The following CPNE4 variants were observed in gnomAD, a reference collection of about 807,000 sequenced individuals.
The protein encoded by CPNE4 is copine 4.
In CPNE4, 25 loss-of-function variants were observed where a neutral mutation model predicts 67.9. The ratio of observed to expected loss-of-function variants is 0.37; its 90% CI spans 0.27 to 0.51. The LOEUF (loss-of-function observed/expected upper bound fraction) is 0.51. Ranked by LOEUF, CPNE4 falls within the 20% of genes least tolerant of loss-of-function variation. CPNE4 has a pLI of 0.93. For synonymous variants in CPNE4, 242 were observed against 244.9 expected (o/e 0.99, Z 0.11); for missense variants, 464 against 690.8 (o/e 0.67, Z 3.68).
chr3:132,009,392 T>C (rs1369651101), intron 1 of CPNE4, among the ~76,000 whole-genome samples: 1 of 152,146 alleles, frequency 6.6e-6, no homozygotes, highest in African/African-American at 2.4e-5. Flanking sequence ...ACACCCAGCA[T>C]GGTTTTCAGA....
chr3:131,821,811 C>A (rs941455810), intron 2 of CPNE4, among the ~76,000 whole-genome samples: 9 of 152,136 alleles, frequency 5.9e-5, no homozygotes, highest in Non-Finnish European at 1.3e-4. Flanking sequence ...TGTCCAAATC[C>A]CTTCCTGCTT....
chr3:131,792,708 C>CGTGTATATATATACATATATACACGT (rs2083792714), intron 2 of CPNE4, among the ~76,000 whole-genome samples: 17 of 67,216 alleles, frequency 2.5e-4, no homozygotes, highest in Non-Finnish European at 4.7e-4. Flanking sequence ...TATACACACA[C>CGTGTATATATATACATATATACACGT]GTGTATATAT....
chr3:131,557,073 T>C (rs1936499051), intron 11 of CPNE4, among the ~76,000 whole-genome samples: 1 of 152,114 alleles, frequency 6.6e-6, no homozygotes, highest in South Asian at 2.1e-4. Context: ...AATGATTATA[T>C]GTAGTATTAA....
intron 1 of CPNE4, among the ~76,000 whole-genome samples, chr3:132,033,145 G>A (rs1349215953): frequency 6.6e-6 from 1 of 152,234 alleles, no homozygotes; most frequent in Non-Finnish European, 1.5e-5. Flanking sequence ...GTGCGCGCGG[G>A]GGCGCGCGAA....
intron 7 of CPNE4, among the ~76,000 whole-genome samples, chr3:131,624,116 C>A (rs1027773835): frequency 1.2e-4 from 18 of 152,226 alleles, no homozygotes; most frequent in African/African-American, 4.1e-4. Context: ...GTTTTGTCTG[C>A]GAATTTGGAT....
At chr3:131,581,692 T>C in intron 8 of CPNE4, 27 bp from the exon 9 acceptor site, 3 of 1,548,030 alleles carry the variant, frequency 1.9e-6, no homozygotes, top group Non-Finnish European at 2.7e-6. Flanking sequence ...AGCATGAGAA[T>C]CTGTTCAGGA....
rs531608761 is a variant in CPNE4 at position 131,718,004 on chromosome 3, T to C, written c.360+5442A>G. ...CTCTCTCTCTCTCTCTGTCTCTCTCTCTTTCTTTCTTTCTTTTGAGACAGA... is the reference window on the plus strand; with the variant it reads ...CTCTCTCTCTCTCTCTGTCTCTCTCCCTTTCTTTCTTTCTTTTGAGACAGA... On this transcript the variant is annotated intron_variant, in intron 3 of 15. Coordinates refer to ENST00000429747, the MANE Select transcript of CPNE4 (RefSeq NM_130808.3). 5.7e-4 allele frequency among the ~76,000 whole-genome samples: 86 copies of C among 151,372 alleles called. 1 individual carries two copies. In the South Asian group the frequency reaches 0.018, roughly 31 times the overall value.
At chr3:131,842,091 G>T (rs1452134589) in intron 2 of CPNE4, among the ~76,000 whole-genome samples, 1 of 152,202 alleles carries the variant, frequency 6.6e-6, no homozygotes, top group Non-Finnish European at 1.5e-5. Context: ...GCCTTAGAGT[G>T]CCTGGGCCAA....
At chr3:131,577,119 C>T (rs1484541134) in intron 9 of CPNE4, among the ~76,000 whole-genome samples, 2 of 151,990 alleles carry the variant, frequency 1.3e-5, no homozygotes, top group African/African-American at 4.8e-5. Flanking sequence ...AAGACATTAT[C>T]CCCTAGTCCC....
At chr3:131,815,229 T>C (rs923109384) in intron 2 of CPNE4, among the ~76,000 whole-genome samples, 3 of 152,192 alleles carry the variant, frequency 2.0e-5, no homozygotes, top group East Asian at 1.9e-4. Flanking sequence ...TATGAGGAAT[T>C]AGGTTCTGAG....
intron 2 of CPNE4, among the ~76,000 whole-genome samples, chr3:131,731,046 T>C (rs539034143): frequency 6.6e-6 from 1 of 152,214 alleles, no homozygotes; most frequent in East Asian, 1.9e-4. Flanking sequence ...CTTCAAATAC[T>C]CCAGATTAAA....
intron 7 of CPNE4, among the ~76,000 whole-genome samples, chr3:131,659,720 G>A (rs908622515): frequency 4.6e-5 from 7 of 152,182 alleles, no homozygotes; most frequent in Admixed American, 1.3e-4. Context: ...GGTTGGGCAA[G>A]GAAGGACTGT....
chr3:131,550,032 T>C lies in CPNE4; in HGVS notation c.1217A>G (p.Gln406Arg). The change falls in exon 14 of 16, where the codon CAA becomes CGA. Residue 406 changes from glutamine to arginine, a missense_variant. Physicochemically the swap from Gln to Arg is conservative, Grantham distance 43. Around this residue, in one of 6 missense-constraint regions of CPNE4, gnomAD observed 201 missense variants for 357.7 expected, o/e 0.56. Coordinates refer to ENST00000429747, the MANE Select transcript of CPNE4 (RefSeq NM_130808.3). ...GGCAATGTTGGTGGGACCGTAGAGT[T>C]GGAGCTTAGGAAGACAGCTCTGATA... ...EAYQSCLPKL[Q>R]LYGPTNIAPI... 2 of 1,613,228 alleles carry C rather than the reference T, an allele frequency of 1.2e-6. No individual in the cohort carries two copies. The highest frequency in any genetic ancestry group is 4.5e-5 in the East Asian group (2 of 44,844).
intron 2 of CPNE4, among the ~76,000 whole-genome samples, chr3:131,849,716 G>A (rs1297157216): frequency 6.6e-6 from 1 of 152,092 alleles, no homozygotes; most frequent in Non-Finnish European, 1.5e-5. Flanking sequence ...ATTACCATGA[G>A]TAGAATATAG....
chr3:131,914,422 C>T (rs1021059572), intron 1 of CPNE4, among the ~76,000 whole-genome samples: 6 of 152,106 alleles, frequency 3.9e-5, no homozygotes, highest in African/African-American at 1.4e-4. Flanking sequence ...GTCTCCTCCC[C>T]TTCTCTCTAA....
At chr3:131,981,681 G>C (rs906554847) in intron 1 of CPNE4, among the ~76,000 whole-genome samples, 16 of 152,208 alleles carry the variant, frequency 1.1e-4, no homozygotes, top group African/African-American at 3.6e-4. Flanking sequence ...GTTTTACCCA[G>C]TGCTCATCTC....
chr3:131,906,347 C>A (rs2088760082), intron 1 of CPNE4, among the ~76,000 whole-genome samples: 1 of 151,340 alleles, frequency 6.6e-6, no homozygotes, highest in Admixed American at 6.6e-5. Flanking sequence ...CGCTGTGCTG[C>A]ACCCATTAAC....
intron 2 of CPNE4, among the ~76,000 whole-genome samples, chr3:131,724,320 T>C (rs886448523): frequency 6.6e-6 from 1 of 152,190 alleles, no homozygotes; most frequent in East Asian, 1.9e-4. Flanking sequence ...CTCAGTTTTC[T>C]CATCAACAAA....
At chr3:131,976,424 G>A (rs897164411) in intron 1 of CPNE4, among the ~76,000 whole-genome samples, 6 of 151,956 alleles carry the variant, frequency 3.9e-5, no homozygotes, top group Non-Finnish European at 5.9e-5. Flanking sequence ...TGGCAATTTG[G>A]GTCTGAGATG....
Sources: allele counts gnomAD v4.1 joint callset (sites outside exome capture counted in the v4.1 genomes callset), GRCh38; gene constraint gnomAD v4.1.1; regional missense constraint gnomAD v4.1.1; transcripts MANE v1.5; gene names NCBI Gene and HGNC (gene_info 2026-07-23, HGNC 2026-07-21).